The following PRLR variants were observed in gnomAD, a reference collection of about 807,000 sequenced individuals.
PRLR encodes the protein hPRL receptor.
PRLR carries 13 observed loss-of-function variants against 40.2 expected under a neutral mutation model. The observed-to-expected ratio is 0.32, with a 90% confidence interval of 0.21 to 0.51. The LOEUF (loss-of-function observed/expected upper bound fraction) is 0.51, where lower values mean the gene tolerates loss of function less well. Ranked by LOEUF, PRLR falls within the 20% of genes least tolerant of loss-of-function variation. PRLR has a pLI of 0.97. For missense variants in PRLR, 656 were observed against 747.3 expected (o/e 0.88, Z 1.42); for synonymous variants, 269 against 278.7 (o/e 0.97, Z 0.35).
At chr5:35,106,452 A>T (rs1376199272) in intron 2 of PRLR, among the ~76,000 whole-genome samples, 4 of 152,216 alleles carry the variant, frequency 2.6e-5, no homozygotes, top group Admixed American at 2.6e-4. Flanking sequence ...AAGAGTCAAG[A>T]CCCATCAGTG....
At chr5:35,180,003 G>A (rs775167934) in intron 1 of PRLR, among the ~76,000 whole-genome samples, 10 of 152,178 alleles carry the variant, frequency 6.6e-5, no homozygotes, top group Non-Finnish European at 1.0e-4. Flanking sequence ...GGAGTCCTGA[G>A]CTTGCTTTCC....
chr5:35,213,409 C>T (rs1368995736), intron 1 of PRLR, among the ~76,000 whole-genome samples: 3 of 152,172 alleles, frequency 2.0e-5, no homozygotes, highest in African/African-American at 4.8e-5. Context: ...TCAAAGCATT[C>T]CCTTTACATT....
intron 1 of PRLR, among the ~76,000 whole-genome samples, chr5:35,120,563 A>G (rs937866243): frequency 1.3e-5 from 2 of 152,102 alleles, no homozygotes; most frequent in African/African-American, 4.8e-5. Flanking sequence ...TGGGGTGGGG[A>G]GACATAATTT....
intron 1 of PRLR, among the ~76,000 whole-genome samples, chr5:35,228,674 G>C (rs1289481926): frequency 6.6e-6 from 1 of 152,168 alleles, no homozygotes; most frequent in Non-Finnish European, 1.5e-5. Flanking sequence ...CATTAAAAAG[G>C]GTTGTGAGGA....
intron 5 of PRLR, among the ~76,000 whole-genome samples, chr5:35,075,674 G>A (rs577031152): frequency 1.3e-5 from 2 of 152,356 alleles, no homozygotes; most frequent in East Asian, 3.9e-4. Context: ...CTGTCTGATA[G>A]CTCTGAAGAG....
intron 1 of PRLR, among the ~76,000 whole-genome samples, chr5:35,134,918 C>T (rs1040602022): frequency 6.6e-6 from 1 of 152,218 alleles, no homozygotes; most frequent in Non-Finnish European, 1.5e-5. Context: ...AGAACCACTG[C>T]TCTAGATATT....
At position 35,191,974 on chromosome 5, in the gene PRLR, T is replaced by C. The variant is rs73078865; in HGVS notation, c.-106+38294A>G. Among the ~76,000 whole-genome samples the C allele has an allele frequency of 1.8e-3, 274 of 152,268 alleles. 1 individual carries two copies. The highest frequency in any genetic ancestry group is 6.2e-3 in the African/African-American group (256 of 41,538). On this transcript the variant is annotated intron_variant, in intron 1 of 9. Coordinates refer to ENST00000618457, the MANE Select transcript of PRLR (RefSeq NM_000949.7). Reference sequence around the variant, plus strand: ...CCATCTCTACCTTCAAGTTCAGGAATCAAGTCCAGAGGAATTCTTTCTAGA... The same window carrying C: ...CCATCTCTACCTTCAAGTTCAGGAACCAAGTCCAGAGGAATTCTTTCTAGA...
chr5:35,076,415 C>T (rs973746105), intron 5 of PRLR, among the ~76,000 whole-genome samples: 8 of 151,712 alleles, frequency 5.3e-5, no homozygotes, highest in Non-Finnish European at 8.8e-5. Flanking sequence ...CATCAGTAGC[C>T]GATTTGTTCA....
At chr5:35,075,518 G>T (rs1173749065) in intron 5 of PRLR, among the ~76,000 whole-genome samples, 1 of 152,220 alleles carries the variant, frequency 6.6e-6, no homozygotes, top group Non-Finnish European at 1.5e-5. Flanking sequence ...TGAGGCTTGA[G>T]ATTGTAAACA....
chr5:35,166,056 A>C (rs1446039323), intron 1 of PRLR, among the ~76,000 whole-genome samples: 1 of 152,194 alleles, frequency 6.6e-6, no homozygotes, highest in Non-Finnish European at 1.5e-5. Flanking sequence ...GATACCATTT[A>C]GCATTCATGT....
At chr5:35,153,891 T>C (rs746180310) in intron 1 of PRLR, among the ~76,000 whole-genome samples, 1 of 152,174 alleles carries the variant, frequency 6.6e-6, no homozygotes, top group African/African-American at 2.4e-5. Context: ...CAACCCCAAA[T>C]GTCATCCCAG....
At chr5:35,138,035 G>C (rs1048283082) in intron 1 of PRLR, among the ~76,000 whole-genome samples, 1 of 152,198 alleles carries the variant, frequency 6.6e-6, no homozygotes, top group African/African-American at 2.4e-5. Flanking sequence ...TACTTAAAGA[G>C]AGTATAGTTT....
intron 1 of PRLR, among the ~76,000 whole-genome samples, chr5:35,121,915 A>AT (rs1773305693): frequency 6.6e-6 from 1 of 152,160 alleles, no homozygotes; most frequent in African/African-American, 2.4e-5. Context: ...ACTATTTGCC[A>AT]AATAGTATTT....
chr5:35,118,883 C>A (rs1455712154), intron 1 of PRLR, among the ~76,000 whole-genome samples: 1 of 151,936 alleles, frequency 6.6e-6, no homozygotes, highest in Non-Finnish European at 1.5e-5. Context: ...CCTCCCCAGG[C>A]TCAGGTGATT....
At chr5:35,134,352 C>A (rs114904127) in intron 1 of PRLR, among the ~76,000 whole-genome samples, 1 of 148,242 alleles carries the variant, frequency 6.7e-6, no homozygotes, top group East Asian at 2.0e-4. Context: ...CAAGATCTGG[C>A]GCTGTGAAGA....
At chr5:35,121,105 T>TGG (rs572051405) in intron 1 of PRLR, among the ~76,000 whole-genome samples, 1 of 152,048 alleles carries the variant, frequency 6.6e-6, no homozygotes, top group African/African-American at 2.4e-5. Flanking sequence ...GTAAAAACCA[T>TGG]GGGGGGGTAG....
At chr5:35,090,791 CTTTTTTTTTTTTTTTTTTTTTTTT>C (rs554800498) in intron 2 of PRLR, among the ~76,000 whole-genome samples, 5 of 59,154 alleles carry the variant, frequency 8.5e-5, no homozygotes, top group Middle Eastern at 8.9e-3. Flanking sequence ...TCAATTAGCT[CTTTTTTTTTTTTTTTTTTTTTTTT>C]TTTTTTTTTT....
intron 1 of PRLR, among the ~76,000 whole-genome samples, chr5:35,217,598 T>A (rs1407144568): frequency 6.6e-6 from 1 of 152,200 alleles, no homozygotes; most frequent in Non-Finnish European, 1.5e-5. Context: ...AAAGGGTATT[T>A]AGCCCATATT....
At chr5:35,078,690 C>A (rs1186505465) in intron 5 of PRLR, among the ~76,000 whole-genome samples, 1 of 152,186 alleles carries the variant, frequency 6.6e-6, no homozygotes, top group African/African-American at 2.4e-5. Context: ...AAGAGGGAAT[C>A]CTCCCTAACT....
Sources: gnomAD v4.1 joint callset for allele counts (sites outside exome capture counted in the v4.1 genomes callset) on GRCh38, gnomAD v4.1.1 for gene constraint, MANE v1.5 for transcripts, NCBI Gene and HGNC (gene_info 2026-07-23, HGNC 2026-07-21) for gene names.